NPAS2: variants seen among roughly 807,000 people sequenced by gnomAD.
The protein encoded by NPAS2 is neuronal PAS domain-containing protein 2.
Under a neutral mutation model 107.5 loss-of-function variants are expected in NPAS2, and 23 were observed. That is an observed-to-expected ratio of 0.21 (90% CI 0.15 to 0.30). The LOEUF (loss-of-function observed/expected upper bound fraction) is 0.30. Ranked by LOEUF, NPAS2 falls within the 10% of genes least tolerant of loss-of-function variation. The pLI is 1.00. For synonymous variants in NPAS2, 403 were observed against 417.5 expected (o/e 0.97, Z 0.42); for missense variants, 756 against 1,043.3 (o/e 0.72, Z 3.79).
At chr2:100,821,146 G>C (rs1328660690) in intron 1 of NPAS2, 1 of 1,304,746 alleles carries the variant, frequency 7.7e-7, no homozygotes, top group Non-Finnish European at 1.0e-6. Flanking sequence ...GCACCACCCG[G>C]CTAAATTCAG....
intron 6 of NPAS2, 51 bp downstream of exon 6, chr2:100,948,406 T>G: frequency 6.5e-7 from 1 of 1,540,050 alleles, no homozygotes; most frequent in Non-Finnish European, 8.8e-7. Context: ...GAATTTTGCT[T>G]TTGAAAGGAG....
At chr2:100,938,631 C>A (rs1460620607) in intron 5 of NPAS2, among the ~76,000 whole-genome samples, 2 of 145,690 alleles carry the variant, frequency 1.4e-5, no homozygotes, top group East Asian at 2.3e-4. Flanking sequence ...TCTCTGGTAA[C>A]CCCCAACACA....
intron 1 of NPAS2, among the ~76,000 whole-genome samples, chr2:100,841,634 C>T (rs939216358): frequency 1.3e-5 from 2 of 152,084 alleles, no homozygotes; most frequent in Non-Finnish European, 1.5e-5. Context: ...TTAGAACATT[C>T]GATAACCAGA....
chr2:100,837,214 A>T (rs1677123288), intron 1 of NPAS2, among the ~76,000 whole-genome samples: 1 of 152,196 alleles, frequency 6.6e-6, no homozygotes, highest in South Asian at 2.1e-4. Flanking sequence ...GAGGCCCCAA[A>T]TGGATCTGAC....
chr2:100,875,564 G>A (rs1286639886), intron 1 of NPAS2, among the ~76,000 whole-genome samples: 5 of 151,170 alleles, frequency 3.3e-5, no homozygotes, highest in Admixed American at 1.3e-4. Flanking sequence ...TGAGACAGTC[G>A]CTTTCCTTAG....
intron 1 of NPAS2, among the ~76,000 whole-genome samples, chr2:100,845,585 G>A (rs1397676513): frequency 6.6e-6 from 1 of 152,192 alleles, no homozygotes; most frequent in East Asian, 1.9e-4. Flanking sequence ...TGCCAGCTGG[G>A]GCCACACTGC....
At chr2:100,971,334 G>T (rs1453142943) in intron 12 of NPAS2, among the ~76,000 whole-genome samples, 5 of 150,148 alleles carry the variant, frequency 3.3e-5, no homozygotes, top group Non-Finnish European at 5.9e-5. Flanking sequence ...TGCAGAGCTG[G>T]GCTAGACACA....
chr2:100,934,769 G>A (rs903404494), intron 4 of NPAS2: 3 of 985,326 alleles, frequency 3.0e-6, no homozygotes, highest in Non-Finnish European at 3.6e-6. Context: ...GGGGAGATGG[G>A]GAGCTCCCAC....
intron 5 of NPAS2, among the ~76,000 whole-genome samples, chr2:100,938,064 C>G (rs1276638923): frequency 6.6e-6 from 1 of 152,192 alleles, no homozygotes; most frequent in Non-Finnish European, 1.5e-5. Context: ...CATCCTGGAA[C>G]AGGCAAGGCC....
intron 3 of NPAS2, among the ~76,000 whole-genome samples, chr2:100,925,782 T>C (rs1265764108): frequency 6.6e-6 from 1 of 152,256 alleles, no homozygotes; most frequent in African/African-American, 2.4e-5. Flanking sequence ...ACATTCATTC[T>C]GTTTTTATTG....
intron 12 of NPAS2, among the ~76,000 whole-genome samples, chr2:100,973,934 G>A (rs190722807): frequency 8.3e-4 from 126 of 152,246 alleles, no homozygotes; most frequent in African/African-American, 2.6e-3. Context: ...CTCTGCCTCC[G>A]AAGTTCAAAC....
At chr2:100,963,863 T>C (rs998796832) in intron 7 of NPAS2, among the ~76,000 whole-genome samples, 195 bp from the exon 8 acceptor site, 6 of 152,244 alleles carry the variant, frequency 3.9e-5, no homozygotes, top group African/African-American at 1.2e-4. Flanking sequence ...TACTTCCCTC[T>C]GTTCCTCGGT....
upstream of NPAS2, among the ~76,000 whole-genome samples, chr2:100,819,791 ACCCCCC>A (rs35075064): frequency 1.4e-5 from 2 of 144,960 alleles, no homozygotes; most frequent in Non-Finnish European, 3.1e-5. The surrounding 1 kb of genome is among the most constrained non-coding windows in gnomAD (Gnocchi z 5.8). Flanking sequence ...TGGAAGCACA[ACCCCCC>A]CCTCCCCCAG....
rs1216458238 is a variant in NPAS2 at position 100,976,783 on chromosome 2, A to C, written c.1393-927A>C. The C allele has an allele frequency of 6.6e-6, 1 of 152,230 alleles. No homozygotes were observed. The highest frequency in any genetic ancestry group is 2.1e-4 in the South Asian group (1 of 4,830). The allele number at this position is 152,230 out of a possible 1,614,324, so 9.4% of individuals were successfully genotyped here. Reference sequence around the variant, plus strand: ...GCCATTCTTCCAGACTCTCCTGTCCAGTGTGACTCACTTTGCCAACAACGG... The same window carrying C: ...GCCATTCTTCCAGACTCTCCTGTCCCGTGTGACTCACTTTGCCAACAACGG... On this transcript the variant is annotated intron_variant, in intron 14 of 20. Coordinates refer to ENST00000335681, the MANE Select transcript of NPAS2 (RefSeq NM_002518.4). This position sits in a 1 kb window ranked among gnomAD's most constrained non-coding sequence, Gnocchi z 4.1.
intron 1 of NPAS2, among the ~76,000 whole-genome samples, chr2:100,862,314 T>C (rs1473609657): frequency 6.6e-6 from 1 of 152,210 alleles, no homozygotes; most frequent in Non-Finnish European, 1.5e-5. Context: ...AGATGTTGTT[T>C]GTTTTGGCAT....
intron 1 of NPAS2, among the ~76,000 whole-genome samples, chr2:100,835,100 G>T (rs1436406544): frequency 2.0e-5 from 3 of 152,140 alleles, no homozygotes; most frequent in Non-Finnish European, 4.4e-5. Context: ...CCCTGTGTTC[G>T]ACAGTCATCG....
At chr2:100,952,616 G>A (rs1036405599) in intron 7 of NPAS2, among the ~76,000 whole-genome samples, 7 of 151,994 alleles carry the variant, frequency 4.6e-5, no homozygotes, top group Admixed American at 2.0e-4. Context: ...ATTGGCTGGC[G>A]AACAGCAGTT....
Position 100,820,891 on chromosome 2 carries a change from C to A in NPAS2, c.-23+477C>A. ...CTGGGCCCGCGGTCTCTCGGAGTCC[C>A]TGGGTCGGAATTGGTTCCGGGCCGG... On this transcript the variant is annotated intron_variant, in intron 1 of 20. Transcript: ENST00000335681. The surrounding 1 kb of genome is among the most constrained non-coding windows in gnomAD (Gnocchi z 5.6). 2.1e-6 allele frequency: 1 copy of A among 469,266 alleles called. No individual in the cohort carries two copies. The highest frequency in any genetic ancestry group is 2.1e-5 in the South Asian group (1 of 48,654). 29.1% of individuals were successfully genotyped at this position (469,266 alleles called of 1,614,324 possible).
chr2:100,895,241 G>T (rs1681330902), intron 1 of NPAS2, among the ~76,000 whole-genome samples: 1 of 152,184 alleles, frequency 6.6e-6, no homozygotes, highest in African/African-American at 2.4e-5. Flanking sequence ...GTGATAGTGT[G>T]ATTAAAATTC....
Sources: allele counts gnomAD v4.1 joint callset (sites outside exome capture counted in the v4.1 genomes callset), GRCh38; gene constraint gnomAD v4.1.1; non-coding constraint Gnocchi (gnomAD v3.1); transcripts MANE v1.5; gene names NCBI Gene and HGNC (gene_info 2026-07-23, HGNC 2026-07-21).